CHAT: variants seen among roughly 807,000 people sequenced by gnomAD.
CHAT encodes acetyl CoA:choline O-acetyltransferase.
In CHAT, 61 loss-of-function variants were observed where a neutral mutation model predicts 76.9. That is an observed-to-expected ratio of 0.79 (90% CI 0.65 to 0.98). The LOEUF (loss-of-function observed/expected upper bound fraction) is 0.98. Among genes scored for constraint, CHAT ranks in the 50% least tolerant of loss-of-function variants. CHAT has a pLI of 0.00. For missense variants in CHAT, 946 were observed against 986.9 expected (o/e 0.96, Z 0.56); for synonymous variants, 407 against 397.4 (o/e 1.02, Z -0.29).
intron 7 of CHAT, among the ~76,000 whole-genome samples, chr10:49,634,119 G>A (rs535102286): frequency 6.6e-6 from 1 of 152,306 alleles, no homozygotes; most frequent in South Asian, 2.1e-4. Context: ...AAAGGGGCTG[G>A]GCCAATGCCT....
intron 4 of CHAT, 52 bp from the exon 5 acceptor site, chr10:49,622,045 G>GGGGGGAA (rs1838746183): frequency 6.3e-7 from 1 of 1,596,784 alleles, no homozygotes; most frequent in African/African-American, 1.3e-5. Context: ...AGGGAGGGAG[G>GGGGGGAA]GAGGAAGCCA....
upstream of CHAT, chr10:49,611,553 G>T: frequency 6.2e-7 from 1 of 1,604,678 alleles, no homozygotes. Context: ...CGGCTGCACG[G>T]GCTCGGGCCA....
intron 13 of CHAT, among the ~76,000 whole-genome samples, chr10:49,660,443 GAAA>G (rs58309202): frequency 7.0e-6 from 1 of 142,976 alleles, no homozygotes; most frequent in Admixed American, 7.0e-5. Flanking sequence ...CTCCATCTCA[GAAA>G]AAAAAAAAAA....
chr10:49,627,628 C>T lies in CHAT; in HGVS notation c.954C>T (p.Val318=). ...CCNQFFVLDV[V]INFRRLSEGD... ...CACAGTTCTTTGTCTTGGATGTTGT[C>T]ATTAATTTCCGCCGTCTCAGTGAGG... The change falls in exon 7 of 15, where the codon GTC becomes GTT. Residue 318 remains valine (V), a synonymous_variant. Coordinates refer to ENST00000337653, the MANE Select transcript of CHAT (RefSeq NM_020549.5). 1 of 1,614,150 alleles carries T rather than the reference C, an allele frequency of 6.2e-7. No homozygotes were observed. The highest frequency in any genetic ancestry group is 8.5e-7 in the Non-Finnish European group (1 of 1,179,978).
At chr10:49,640,238 G>A (rs1839435437) in intron 7 of CHAT, among the ~76,000 whole-genome samples, 1 of 152,080 alleles carries the variant, frequency 6.6e-6, no homozygotes, top group Non-Finnish European at 1.5e-5. Flanking sequence ...GTGGTGTGAT[G>A]TCGGCTCAAT....
At chr10:49,639,849 A>T (rs930502313) in intron 7 of CHAT, among the ~76,000 whole-genome samples, 3 of 152,114 alleles carry the variant, frequency 2.0e-5, no homozygotes, top group African/African-American at 7.2e-5. Flanking sequence ...GGTGACATAA[A>T]CATCACCTTT....
chr10:49,654,634 G>A (rs1272108210), intron 11 of CHAT, among the ~76,000 whole-genome samples: 3 of 152,238 alleles, frequency 2.0e-5, no homozygotes, highest in South Asian at 2.1e-4. Context: ...GGAGGGCCTG[G>A]ACAGCCGTTT....
intron 14 of CHAT, 22 bp downstream of exon 14, chr10:49,662,804 G>GC (rs1840238098): frequency 6.2e-7 from 1 of 1,614,018 alleles, no homozygotes; most frequent in African/African-American, 1.3e-5. Flanking sequence ...TGCAGCTATC[G>GC]CCCAAGAGTA....
At chr10:49,664,113 T>C (rs1840280033) in intron 14 of CHAT, among the ~76,000 whole-genome samples, 1 of 152,246 alleles carries the variant, frequency 6.6e-6, no homozygotes. Flanking sequence ...GGGAGTTTTG[T>C]TGTTTTCCAA....
rs779577437 is a variant in CHAT, at chr10:49,622,079, C to T, written c.699-18C>T. ...CAGGCCCTGGGAGGAAGGGCTCAGGCCTCCCTTCTCCCTGCAGGTTTGCAG... is the reference window on the plus strand; with the variant it reads ...CAGGCCCTGGGAGGAAGGGCTCAGGTCTCCCTTCTCCCTGCAGGTTTGCAG... On this transcript the variant is annotated intron_variant, in intron 4 of 14. Coordinates refer to ENST00000337653, the MANE Select transcript of CHAT (RefSeq NM_020549.5). 1.3e-5 allele frequency: 14 copies of T among 1,119,638 alleles called. No homozygotes were observed. The highest frequency in any genetic ancestry group is 4.0e-5 in the African/African-American group (1 of 24,810). 69.4% of individuals were successfully genotyped at this position (1,119,638 alleles called of 1,614,324 possible).
chr10:49,610,976 A>T, upstream of CHAT: 1 of 1,611,570 alleles, frequency 6.2e-7, no homozygotes, highest in South Asian at 1.1e-5. Flanking sequence ...GAGGTGTGGG[A>T]GCCCACCCTG....
upstream of CHAT, among the ~76,000 whole-genome samples, chr10:49,613,446 C>T (rs146084756): frequency 9.9e-5 from 15 of 152,284 alleles, no homozygotes; most frequent in East Asian, 2.5e-3. Context: ...AGCCAGCGTT[C>T]GCGCAACACT....
At chr10:49,643,366 C>A (rs565630440) in intron 7 of CHAT, among the ~76,000 whole-genome samples, 5 of 152,342 alleles carry the variant, frequency 3.3e-5, no homozygotes, top group Admixed American at 2.6e-4. Flanking sequence ...AAACCACTGT[C>A]CCACCCTCCA....
chr10:49,655,509 A>C, intron 13 of CHAT, 61 bp downstream of exon 13: 1 of 1,512,232 alleles, frequency 6.6e-7, no homozygotes, highest in Non-Finnish European at 9.2e-7. Context: ...GCCTGCCAGA[A>C]TGGGCACCAC....
chr10:49,614,430 T>C lies in CHAT; in HGVS notation c.241T>C (p.Trp81Arg). The C allele has an allele frequency of 6.5e-7, 1 of 1,547,352 alleles. No homozygotes were observed. The highest frequency in any genetic ancestry group is 8.7e-7 in the Non-Finnish European group (1 of 1,146,694). Residue 81 changes from tryptophan (W) to arginine (R), a missense_variant, in exon 1 of 15, where the codon TGG becomes CGG. Around this residue, in one of 3 missense-constraint regions of CHAT, gnomAD observed 548 missense variants for 516.2 expected, o/e 1.06. Transcript: ENST00000337653. The stretch of plus-strand genomic sequence containing the variant: ...TCACACCCCCGCCCACACTCCTGAG[T>C]GGTGCGGTGCAGCGTCGGCCGAGGC... ...PAHTPAHTPEWCGAASAEAAE... is the reference protein window; with the variant it reads ...PAHTPAHTPERCGAASAEAAE...
At chr10:49,647,510 C>T (rs1196108312) in intron 8 of CHAT, among the ~76,000 whole-genome samples, 1 of 152,202 alleles carries the variant, frequency 6.6e-6, no homozygotes, top group African/African-American at 2.4e-5. Flanking sequence ...CTAGACAACA[C>T]CTCGTTTTCC....
intron 7 of CHAT, among the ~76,000 whole-genome samples, chr10:49,636,662 T>C (rs1917819): frequency 0.97 from 147,271 of 152,230 alleles, 71,462 homozygotes; most frequent in Middle Eastern, 1. Flanking sequence ...GATTTCTTTT[T>C]GGGGAGTTTT....
At chr10:49,641,156 C>T (rs1293758202) in intron 7 of CHAT, among the ~76,000 whole-genome samples, 5 of 152,226 alleles carry the variant, frequency 3.3e-5, no homozygotes, top group African/African-American at 1.2e-4. Context: ...CTTATGAGGA[C>T]ACCAGTTCTA....
At chr10:49,653,177 G>C (rs1375334086) in intron 11 of CHAT, among the ~76,000 whole-genome samples, 1 of 152,028 alleles carries the variant, frequency 6.6e-6, no homozygotes, top group African/African-American at 2.4e-5. Flanking sequence ...GGGAGGTTTA[G>C]CCAGAAGTGG....
Sources: gnomAD v4.1 joint callset for allele counts (sites outside exome capture counted in the v4.1 genomes callset) on GRCh38, gnomAD v4.1.1 for gene constraint, gnomAD v4.1.1 regional missense constraint, MANE v1.5 for transcripts, NCBI Gene and HGNC (gene_info 2026-07-23, HGNC 2026-07-21) for gene names.